The following EBF1 variants were observed in gnomAD, a reference collection of about 807,000 sequenced individuals.
EBF1 encodes transcription factor COE1.
EBF1 carries 10 observed loss-of-function variants against 68.4 expected under a neutral mutation model. That is an observed-to-expected ratio of 0.15 (90% CI 0.09 to 0.25). The LOEUF (loss-of-function observed/expected upper bound fraction) is 0.25. EBF1 is among the 10% of genes least tolerant of loss of function. EBF1 has a pLI of 1.00. For missense variants in EBF1, 509 were observed against 794.4 expected (o/e 0.64, Z 4.32); for synonymous variants, 298 against 299.8 (o/e 0.99, Z 0.06).
Position 159,083,529 on chromosome 5 carries a change from G to A in EBF1, c.485+1137C>T, listed in dbSNP as rs189778431. 2.5e-3 allele frequency among the ~76,000 whole-genome samples: 374 copies of A among 152,196 alleles called. 1 individual carries two copies. Among genetic ancestry groups the A allele is most frequent in the Middle Eastern group, 6.8e-3 (2 of 294 alleles). ...AATATGTTAGAAATATTTTTAAAAGGGAAAAAATGAAAATTGTATATCCAT... is the reference window on the plus strand; with the variant it reads ...AATATGTTAGAAATATTTTTAAAAGAGAAAAAATGAAAATTGTATATCCAT... On this transcript the variant is annotated intron_variant, in intron 5 of 15. Transcript: ENST00000313708.
intron 6 of EBF1, among the ~76,000 whole-genome samples, chr5:158,872,063 T>C (rs926526340): frequency 2.0e-5 from 3 of 152,176 alleles, no homozygotes; most frequent in Non-Finnish European, 2.9e-5. Flanking sequence ...ACAACCTAAT[T>C]CTGTTGCCAA....
chr5:158,754,686 T>A (rs1418644142), intron 10 of EBF1, among the ~76,000 whole-genome samples: 2 of 152,126 alleles, frequency 1.3e-5, no homozygotes, highest in Non-Finnish European at 2.9e-5. Flanking sequence ...TTGGATTTTT[T>A]TCTAGTTAGA....
intron 6 of EBF1, among the ~76,000 whole-genome samples, chr5:158,907,640 C>A (rs1804949547): frequency 6.6e-6 from 1 of 152,118 alleles, no homozygotes; most frequent in Non-Finnish European, 1.5e-5. Flanking sequence ...TTATCAGTTT[C>A]ATTTGTTATT....
chr5:158,697,587 T>G lies in EBF1; in HGVS notation c.*1524A>C, dbSNP rs1755958912. 1 of 205,232 alleles carries G rather than the reference T, an allele frequency of 4.9e-6. No individual in the cohort carries two copies. Among genetic ancestry groups the G allele is most frequent in the African/African-American group, 2.3e-5 (1 of 43,756 alleles). The allele number at this position is 205,232 out of a possible 1,614,324, so 12.7% of individuals were successfully genotyped here. ...TTATTTATATGGATATTTTACAAAATCCCCTTTAAAACAAAAAGCCTTTTA... is the reference window on the plus strand; with the variant it reads ...TTATTTATATGGATATTTTACAAAAGCCCCTTTAAAACAAAAAGCCTTTTA... On this transcript the variant is annotated 3_prime_UTR_variant, in exon 16 of 16. Transcript: ENST00000313708.
chr5:158,923,266 G>A (rs962219414), intron 6 of EBF1, among the ~76,000 whole-genome samples: 1 of 152,136 alleles, frequency 6.6e-6, no homozygotes, highest in Admixed American at 6.5e-5. Context: ...TGCCTGAAAA[G>A]CTTCCTTTTC....
chr5:159,091,387 T>G (rs1017891574), intron 4 of EBF1, among the ~76,000 whole-genome samples: 3 of 152,212 alleles, frequency 2.0e-5, no homozygotes, highest in Non-Finnish European at 4.4e-5. Flanking sequence ...TGCATAAAAA[T>G]TCCAAACTTC....
chr5:158,929,139 G>A (rs1054138504), intron 6 of EBF1, among the ~76,000 whole-genome samples: 1 of 152,180 alleles, frequency 6.6e-6, no homozygotes, highest in Non-Finnish European at 1.5e-5. Flanking sequence ...ACATGTTATA[G>A]GTTATCAGTG....
At chr5:159,095,513 C>A in intron 4 of EBF1, 107 bp downstream of exon 4, 2 of 1,356,040 alleles carry the variant, frequency 1.5e-6, no homozygotes. Flanking sequence ...CCCCCGCTGG[C>A]TTTTAGAGTT....
In EBF1 at chr5:158,698,155, T is replaced by A. The variant is rs549488450; in HGVS notation, c.*956A>T. Reference sequence around the variant, plus strand: ...CATTTAGGACGAGTAAACTTTAAACTTGCAAATGGGGGAGCGTACGTGAGG... The same window carrying A: ...CATTTAGGACGAGTAAACTTTAAACATGCAAATGGGGGAGCGTACGTGAGG... On this transcript the variant is annotated 3_prime_UTR_variant, in exon 16 of 16. Coordinates refer to ENST00000313708, the MANE Select transcript of EBF1 (RefSeq NM_024007.5). 1.3e-4 allele frequency: 28 copies of A among 220,618 alleles called. No individual in the cohort carries two copies. Among genetic ancestry groups the A allele is most frequent in the Non-Finnish European group, 2.4e-4 (26 of 110,164 alleles). 13.7% of individuals were successfully genotyped at this position (220,618 alleles called of 1,614,324 possible).
rs370794227 is a variant in EBF1 at position 158,703,191 on chromosome 5, G to A, written c.1745-4049C>T. Among the ~76,000 whole-genome samples the A allele has an allele frequency of 3.9e-5, 6 of 152,230 alleles. No individual in the cohort carries two copies. The South Asian group carries it at 1.2e-3, about 32-fold the overall frequency. ...AGGAGAAAGGAGAGGACATCTCCAT[G>A]GACAAAGACTGAGCATAGTTGGTGA... is the stretch of plus-strand genomic sequence containing the variant. On this transcript the variant is annotated intron_variant, in intron 15 of 15. Transcript: ENST00000313708.
At chr5:159,060,454 G>A (rs1775575207) in intron 6 of EBF1, among the ~76,000 whole-genome samples, 1 of 152,144 alleles carries the variant, frequency 6.6e-6, no homozygotes, top group African/African-American at 2.4e-5. Context: ...TTCAATTCCT[G>A]ATTGAATAAA....
intron 6 of EBF1, among the ~76,000 whole-genome samples, chr5:159,048,574 T>A (rs1477161126): frequency 1.3e-5 from 2 of 152,236 alleles, no homozygotes; most frequent in Admixed American, 1.3e-4. Flanking sequence ...AAGATTCCAA[T>A]GGGACCATGT....
intron 8 of EBF1, among the ~76,000 whole-genome samples, chr5:158,802,618 T>C (rs910856163): frequency 4.6e-5 from 7 of 152,304 alleles, no homozygotes; most frequent in South Asian, 2.1e-4. Flanking sequence ...TATGAAATTA[T>C]GTTAAGTTGA....
At position 159,099,588 on chromosome 5, in the gene EBF1, A is replaced by ATT; in HGVS notation, c.-112_-111dup. 19 of 1,127,534 alleles carry ATT rather than the reference A, an allele frequency of 1.7e-5. No individual in the cohort carries two copies. The highest frequency in any genetic ancestry group is 4.4e-5 in the South Asian group (2 of 45,400). 69.8% of individuals were successfully genotyped at this position (1,127,534 alleles called of 1,614,324 possible). ...AAAGAAACAAAAACGCCAACCAGAG[A>ATT]TTTTTTTTTTTCTCAGACGATGAAC... On this transcript the variant is annotated 5_prime_UTR_variant, in exon 1 of 16. Transcript: ENST00000313708.
intron 10 of EBF1, among the ~76,000 whole-genome samples, chr5:158,757,195 A>G (rs1770314038): frequency 6.6e-6 from 1 of 152,094 alleles, no homozygotes; most frequent in Admixed American, 6.6e-5. Context: ...CAGGGCTTCA[A>G]AAGGCATGCT....
At chr5:158,796,873 CG>C (rs1779697082) in intron 8 of EBF1, among the ~76,000 whole-genome samples, 1 of 152,042 alleles carries the variant, frequency 6.6e-6, no homozygotes, top group Non-Finnish European at 1.5e-5. Flanking sequence ...AGAAAACTTA[CG>C]TTTTTTTAGA....
intron 6 of EBF1, among the ~76,000 whole-genome samples, chr5:158,893,893 A>G (rs1353312030): frequency 6.6e-6 from 1 of 152,190 alleles, no homozygotes; most frequent in Non-Finnish European, 1.5e-5. Context: ...TTACAGTTTC[A>G]AAATGGTTCT....
intron 6 of EBF1, among the ~76,000 whole-genome samples, chr5:158,954,194 C>T (rs183099424): frequency 5.9e-5 from 9 of 151,594 alleles, no homozygotes; most frequent in East Asian, 1.9e-4. Flanking sequence ...TATGCCCGTG[C>T]GGCTGATGGG....
intron 6 of EBF1, among the ~76,000 whole-genome samples, chr5:158,930,997 T>A (rs1810768440): frequency 6.6e-6 from 1 of 152,230 alleles, no homozygotes; most frequent in African/African-American, 2.4e-5. Context: ...ATCTACATTT[T>A]TAATCTTTCA....
Sources: allele counts gnomAD v4.1 joint callset (sites outside exome capture counted in the v4.1 genomes callset), GRCh38; gene constraint gnomAD v4.1.1; transcripts MANE v1.5; gene names NCBI Gene and HGNC (gene_info 2026-07-23, HGNC 2026-07-21).